LOXHD1: variants seen among roughly 807,000 people sequenced by gnomAD.
The protein encoded by LOXHD1 is lipoxygenase homology domain-containing protein 1.
In LOXHD1, 205 loss-of-function variants were observed where a neutral mutation model predicts 248.2. The ratio of observed to expected loss-of-function variants is 0.83; its 90% CI spans 0.74 to 0.93. LOXHD1 has a LOEUF of 0.93. LOXHD1 is among the 40% of genes least tolerant of loss of function. The pLI is 0.00. For synonymous variants in LOXHD1, 1,113 were observed against 1,162.8 expected, an observed-to-expected ratio of 0.96 and a Z score of 0.87; for missense variants, 2,930 against 2,971.6, an observed-to-expected ratio of 0.99 and a Z score of 0.33.
intron 34 of LOXHD1, among the ~76,000 whole-genome samples, chr18:46,515,091 T>A (rs1023717390): frequency 6.6e-6 from 1 of 152,038 alleles, no homozygotes; most frequent in Non-Finnish European, 1.5e-5. Flanking sequence ...TGGGATAGAG[T>A]GAACTGCTAT....
intron 6 of LOXHD1, among the ~76,000 whole-genome samples, chr18:46,607,967 G>C (rs1458062168): frequency 4.0e-5 from 6 of 149,270 alleles, no homozygotes; most frequent in African/African-American, 1.2e-4. Flanking sequence ...TAAACAAATA[G>C]CCTGCCCATC....
chr18:46,515,364 T>C (rs1052019440), intron 34 of LOXHD1, among the ~76,000 whole-genome samples: 8 of 152,050 alleles, frequency 5.3e-5, no homozygotes. Context: ...TCAGGCCACA[T>C]GCAAATGAAA....
At chr18:46,499,494 T>A (rs533934265) in intron 37 of LOXHD1, among the ~76,000 whole-genome samples, 1 of 152,296 alleles carries the variant, frequency 6.6e-6, no homozygotes, top group East Asian at 1.9e-4. Flanking sequence ...ACCTTTTGAA[T>A]GAAAATAGCT....
intron 25 of LOXHD1, among the ~76,000 whole-genome samples, chr18:46,541,501 A>AACCCT (rs1474337006): frequency 6.6e-5 from 10 of 152,234 alleles, no homozygotes; most frequent in Non-Finnish European, 1.3e-4. Context: ...GCTGCAGATG[A>AACCCT]GGAATCTGAA....
At chr18:46,534,583 C>A in intron 26 of LOXHD1, 132 bp from the exon 27 acceptor site, 1 of 689,428 alleles carries the variant, frequency 1.5e-6, no homozygotes, top group South Asian at 1.6e-5. Context: ...CTCCACTATC[C>A]AGCCAGGCCA....
intron 5 of LOXHD1, among the ~76,000 whole-genome samples, chr18:46,612,196 A>G (rs1446719869): frequency 6.6e-6 from 1 of 152,042 alleles, no homozygotes; most frequent in Admixed American, 6.5e-5. Flanking sequence ...ACTAAAATGG[A>G]CTCTTCTGTA....
At position 46,505,975 on chromosome 18, in the gene LOXHD1, C is replaced by A. The variant is rs1371348060; in HGVS notation, c.5741G>T (p.Gly1914Val). The A allele has an allele frequency of 6.4e-7, 1 of 1,552,214 alleles. No individual in the cohort carries two copies. The highest frequency in any genetic ancestry group is 8.7e-7 in the Non-Finnish European group (1 of 1,147,096). ...CTTCAGGGCCAGTGTCCCACTATCCCCGTTCTCCCCGAAGATGATGATGAA... is the reference window on the plus strand; with the variant it reads ...CTTCAGGGCCAGTGTCCCACTATCCACGTTCTCCCCGAAGATGATGATGAA... ...NVFIIIFGEN[G>V]DSGTLALKQS... is the part of the protein sequence containing the mutation. Residue 1914 changes from glycine (G) to valine (V), a missense_variant, in exon 37 of 41, where the codon GGG (glycine) becomes GTG (valine). Transcript: ENST00000642948.
intron 9 of LOXHD1, among the ~76,000 whole-genome samples, 162 bp from the exon 10 acceptor site, chr18:46,593,922 T>G (rs564922301): frequency 1.3e-5 from 2 of 152,366 alleles, no homozygotes; most frequent in South Asian, 4.1e-4. Flanking sequence ...TTTAGAAAGC[T>G]AAGGATTCCT....
Position 46,541,777 on chromosome 18 carries a change from T to C in LOXHD1, c.3912A>G (p.Pro1304=). 2.6e-6 allele frequency: 4 copies of C among 1,551,686 alleles called. No homozygotes were observed. The highest frequency in any genetic ancestry group is 2.6e-6 in the Non-Finnish European group (3 of 1,146,988). Residue 1304 remains proline (P), a splice_region_variant and synonymous_variant, in exon 25 of 41, where the codon CCA becomes CCG. Transcript: ENST00000642948. The stretch of plus-strand genomic sequence containing the variant: ...GGCCTTGCCGTGTGTGGTTCCTACA[T>C]GGTGTGTACAGCCTCGTCTGAAGCT... ...HAELQTRLYT[P]FVPYEITLYT... is the part of the protein sequence containing the mutation.
intron 8 of LOXHD1, among the ~76,000 whole-genome samples, chr18:46,600,151 A>C (rs1250502132): frequency 6.6e-6 from 1 of 152,232 alleles, no homozygotes; most frequent in African/African-American, 2.4e-5. Flanking sequence ...AGTAGTAAAA[A>C]TCAAGAAATC....
intron 37 of LOXHD1, among the ~76,000 whole-genome samples, chr18:46,505,183 C>T (rs575776814): frequency 6.6e-5 from 10 of 150,802 alleles, no homozygotes; most frequent in Non-Finnish European, 1.3e-4. Flanking sequence ...AGCATAATCC[C>T]TTCTTTTTTT....
Position 46,579,611 on chromosome 18 carries a change from G to A in LOXHD1, c.1809+19C>T. 1 of 1,551,626 alleles carries A rather than the reference G, an allele frequency of 6.4e-7. No homozygotes were observed. ...AACTGGGAGGAAGGGGATGAGTGGGGCACATTGCTGTAACTTACATTGCCC... is the reference window on the plus strand; with the variant it reads ...AACTGGGAGGAAGGGGATGAGTGGGACACATTGCTGTAACTTACATTGCCC... On this transcript the variant is annotated intron_variant, in intron 13 of 40. Coordinates refer to ENST00000642948, the MANE Select transcript of LOXHD1 (RefSeq NM_001384474.1).
In LOXHD1 at chr18:46,559,623, A is replaced by G. The variant is rs1639648515; in HGVS notation, c.3062-21T>C. The G allele has an allele frequency of 1.9e-6, 3 of 1,550,300 alleles. No homozygotes were observed. The African/African-American group carries it at 4.1e-5, about 21-fold the overall frequency. On this transcript the variant is annotated intron_variant, in intron 19 of 40. Coordinates refer to ENST00000642948, the MANE Select transcript of LOXHD1 (RefSeq NM_001384474.1). ...GTTTCCTGTAGACACAGAAAGATGC[A>G]GTGTGGAGGGCCTCATGGCCATGGG...
In LOXHD1 at chr18:46,529,207, C is replaced by T; in HGVS notation, c.4500G>A (p.Glu1500=). 6.4e-7 allele frequency: 1 copy of T among 1,551,622 alleles called. No individual in the cohort carries two copies. Among genetic ancestry groups the T allele is most frequent in the Non-Finnish European group, 8.7e-7 (1 of 1,146,978 alleles). Residue 1500 remains glutamate, a synonymous_variant, in exon 29 of 41, where the codon GAG becomes GAA. Coordinates refer to ENST00000642948, the MANE Select transcript of LOXHD1 (RefSeq NM_001384474.1). ...DTGERYLGKS[E]NRTNKFERGT... ...CTCTCTCGAACTTGTTGGTCCGGTT[C>T]TCTGACTTGCCAAGGTATCGCTCCC...
intron 26 of LOXHD1, 21 bp downstream of exon 26, chr18:46,538,135 C>G (rs1182849313): frequency 1.3e-6 from 2 of 1,521,600 alleles, no homozygotes; most frequent in East Asian, 2.5e-5. Flanking sequence ...CATCCCTGGA[C>G]AGCCTGCTGA....
chr18:46,637,460 A>T (rs996351329), intron 4 of LOXHD1, among the ~76,000 whole-genome samples: 2 of 152,218 alleles, frequency 1.3e-5, no homozygotes, highest in African/African-American at 4.8e-5. Flanking sequence ...AGATGAGCTG[A>T]AAAGTGGCAA....
chr18:46,601,470 G>A lies in LOXHD1; in HGVS notation c.884-3C>T. Reference sequence around the variant, plus strand: ...GACGGTGACAATATACGTAATAGCTGGTGTGGAAACAACAGGAAAGAGAGT... The same window carrying A: ...GACGGTGACAATATACGTAATAGCTAGTGTGGAAACAACAGGAAAGAGAGT... On this transcript the variant is annotated splice_region_variant and splice_polypyrimidine_tract_variant and intron_variant, in intron 7 of 40. Coordinates refer to ENST00000642948, the MANE Select transcript of LOXHD1 (RefSeq NM_001384474.1). 1.3e-6 allele frequency: 2 copies of A among 1,551,664 alleles called. No homozygotes were observed. Among genetic ancestry groups the A allele is most frequent in the Admixed American group, 2.0e-5 (1 of 51,004 alleles).
intron 20 of LOXHD1, 100 bp downstream of exon 20, chr18:46,559,348 C>T: frequency 1.3e-6 from 2 of 1,548,874 alleles, no homozygotes; most frequent in Non-Finnish European, 1.7e-6. Flanking sequence ...AGTCACACTG[C>T]CAAACACAGC....
intron 36 of LOXHD1, among the ~76,000 whole-genome samples, chr18:46,506,747 C>A (rs1283432171): frequency 6.6e-6 from 1 of 152,212 alleles, no homozygotes; most frequent in South Asian, 2.1e-4. Context: ...ACTATGAGAG[C>A]TTCATTTATC....
Sources: gnomAD v4.1 joint callset for allele counts (sites outside exome capture counted in the v4.1 genomes callset) on GRCh38, gnomAD v4.1.1 for gene constraint, MANE v1.5 for transcripts, NCBI Gene and HGNC (gene_info 2026-07-23, HGNC 2026-07-21) for gene names.